EARS2: variants seen among roughly 807,000 people sequenced by gnomAD.
The protein encoded by EARS2 is nondiscriminating glutamyl-tRNA synthetase EARS2, mitochondrial.
In EARS2, 50 loss-of-function variants were observed where a neutral mutation model predicts 54.1. That is an observed-to-expected ratio of 0.92 (90% CI 0.74 to 1.17). The LOEUF is 1.17. Among genes scored for constraint, EARS2 ranks in the 50% most tolerant of loss-of-function variants. The pLI is 0.00. For missense variants in EARS2, 673 were observed against 675.0 expected (o/e 1.00, Z 0.03); for synonymous variants, 298 against 281.0 (o/e 1.06, Z -0.61).
intron 4 of EARS2, among the ~76,000 whole-genome samples, 183 bp downstream of exon 4, chr16:23,534,705 G>A (rs1281065365): frequency 6.6e-6 from 1 of 152,148 alleles, no homozygotes; most frequent in Admixed American, 6.5e-5. Flanking sequence ...CACTACTGTA[G>A]CCCCAGCACT....
At chr16:23,555,209 G>A (rs1965756349) in intron 1 of EARS2, among the ~76,000 whole-genome samples, 1 of 152,174 alleles carries the variant, frequency 6.6e-6, no homozygotes, top group Non-Finnish European at 1.5e-5. Context: ...ATCTAGGCCA[G>A]GTGTGATGGC....
intron 2 of EARS2, chr16:23,550,900 C>T (rs1597026526): frequency 6.6e-6 from 1 of 152,094 alleles, no homozygotes; most frequent in Admixed American, 6.5e-5. Context: ...TTCCTAGTCA[C>T]ACCCGTCCAT....
intron 3 of EARS2, among the ~76,000 whole-genome samples, chr16:23,543,730 CAA>C (rs565590236): frequency 1.9e-4 from 11 of 58,810 alleles, no homozygotes; most frequent in Admixed American, 3.6e-4. Context: ...GAGACTGTCT[CAA>C]AAAAAAAAAA....
chr16:23,553,323 C>G (rs1373561992), intron 1 of EARS2, among the ~76,000 whole-genome samples: 1 of 152,136 alleles, frequency 6.6e-6, no homozygotes, highest in African/African-American at 2.4e-5. Context: ...ATATTTGTCT[C>G]AAGGCCAAGT....
Position 23,523,764 on chromosome 16 carries a change from T to C in EARS2, c.*607A>G, listed in dbSNP as rs1262682387. The C allele has an allele frequency of 6.6e-6, 1 of 152,360 alleles. No individual in the cohort carries two copies. The highest frequency in any genetic ancestry group is 6.5e-5 in the Admixed American group (1 of 15,280). The allele number at this position is 152,360 out of a possible 1,614,324, so 9.4% of individuals were successfully genotyped here. A position where few individuals can be genotyped will look rare whatever the true frequency, so the allele number is the denominator to read the frequency against. ...CATTTAAAGAGGTGATTAACTTAAA[T>C]GAGGCTGGTTAAAGTTAAAATCCAG... is the stretch of plus-strand genomic sequence containing the variant. On this transcript the variant is annotated 3_prime_UTR_variant, in exon 9 of 9. Coordinates refer to ENST00000449606, the MANE Select transcript of EARS2 (RefSeq NM_001083614.2).
At chr16:23,544,734 T>G in intron 2 of EARS2, 31 bp from the exon 3 acceptor site, 1 of 1,559,416 alleles carries the variant, frequency 6.4e-7, no homozygotes, top group Non-Finnish European at 8.7e-7. Context: ...ACAGCTAAGG[T>G]GCACACAGCG....
intron 3 of EARS2, among the ~76,000 whole-genome samples, chr16:23,537,968 AT>A (rs1555503618): frequency 6.7e-6 from 1 of 149,992 alleles, no homozygotes; most frequent in African/African-American, 2.5e-5. Flanking sequence ...TAATTTTTGT[AT>A]TTTTTTTAGT....
rs2072061 is a variant in EARS2 at position 23,529,902 on chromosome 16, G to A, written c.1068-5C>T. ...ACCAGCCGCTGGAGGTGCAGTCTGC[G>A]GAAGAAATCAAGGGGCTGCCCTGCT... On this transcript the variant is annotated splice_polypyrimidine_tract_variant and splice_region_variant and intron_variant, in intron 5 of 8. Transcript: ENST00000449606. 1,264,920 of 1,613,532 alleles carry A rather than the reference G, an allele frequency of 0.78. 499,171 individuals are homozygous for A. The highest frequency in any genetic ancestry group is 0.81 in the Non-Finnish European group (957,319 of 1,179,902).
At chr16:23,546,400 TG>T (rs1306616782) in intron 2 of EARS2, 3 of 456,052 alleles carry the variant, frequency 6.6e-6, no homozygotes, top group South Asian at 3.1e-5. Flanking sequence ...TCAGAGATCT[TG>T]GGCAAGTCAT....
At chr16:23,535,909 T>G (rs1443029666) in intron 3 of EARS2, among the ~76,000 whole-genome samples, 1 of 152,184 alleles carries the variant, frequency 6.6e-6, no homozygotes, top group African/African-American at 2.4e-5. Context: ...TACTTGCAAC[T>G]GCAGGAGGGA....
At chr16:23,542,275 G>A (rs1435362501) in intron 3 of EARS2, among the ~76,000 whole-genome samples, 2 of 149,692 alleles carry the variant, frequency 1.3e-5, no homozygotes, top group Non-Finnish European at 1.5e-5. Flanking sequence ...AATTACAGAC[G>A]TGAGCCACCA....
At chr16:23,556,432 G>A (rs377099374) in intron 1 of EARS2, among the ~76,000 whole-genome samples, 7 of 152,268 alleles carry the variant, frequency 4.6e-5, no homozygotes, top group African/African-American at 1.4e-4. Context: ...TTGGCTCACC[G>A]CAATCTCCAC....
rs951044750 is a variant in EARS2 at position 23,521,020 on chromosome 16, G to A, written c.*3351C>T. The stretch of plus-strand genomic sequence containing the variant: ...TTGGCCAGGCTGGTCTTGAACTCCC[G>A]GCCTCAAGTGATCTGCCTGCCTTGG... On this transcript the variant is annotated 3_prime_UTR_variant, in exon 9 of 9. Coordinates refer to ENST00000449606, the MANE Select transcript of EARS2 (RefSeq NM_001083614.2). 3.3e-5 allele frequency among the ~76,000 whole-genome samples: 5 copies of A among 151,968 alleles called. No homozygotes were observed. The highest frequency in any genetic ancestry group is 2.1e-4 in the South Asian group (1 of 4,806).
At chr16:23,553,295 A>T (rs1306543675) in intron 1 of EARS2, among the ~76,000 whole-genome samples, 1 of 152,172 alleles carries the variant, frequency 6.6e-6, no homozygotes, top group Non-Finnish European at 1.5e-5. Flanking sequence ...CCCCAACTGC[A>T]TCCACCACTC....
At chr16:23,532,323 T>C (rs984425767) in intron 5 of EARS2, among the ~76,000 whole-genome samples, 1 of 152,138 alleles carries the variant, frequency 6.6e-6, no homozygotes, top group Non-Finnish European at 1.5e-5. Context: ...CAGGCTTTGG[T>C]TGTTAACAGA....
intron 3 of EARS2, among the ~76,000 whole-genome samples, chr16:23,541,373 T>A (rs1170717546): frequency 6.6e-6 from 1 of 151,994 alleles, no homozygotes; most frequent in African/African-American, 2.4e-5. Flanking sequence ...AAAACAAAAA[T>A]AAATGTTTGT....
chr16:23,553,370 G>A (rs1191530065), intron 1 of EARS2, among the ~76,000 whole-genome samples: 1 of 152,090 alleles, frequency 6.6e-6, no homozygotes, highest in Non-Finnish European at 1.5e-5. Flanking sequence ...ATTCATTGAG[G>A]CCATATCATG....
chr16:23,529,819 C>G lies in EARS2; in HGVS notation c.1146G>C (p.Glu382Asp), dbSNP rs1055035799. ...TGTTTTGCAGCTGGCAACCAAAGGCCTCCTCCACAAGGACCTGCAGCTTCC... is the reference window on the plus strand; with the variant it reads ...TGTTTTGCAGCTGGCAACCAAAGGCGTCCTCCACAAGGACCTGCAGCTTCC... ...LVGKLQVLVE[E>D]AFGCQLQNRD... is the part of the protein sequence containing the mutation. Residue 382 changes from glutamate to aspartate, a missense_variant, in exon 6 of 9, where the codon GAG becomes GAC. Coordinates refer to ENST00000449606, the MANE Select transcript of EARS2 (RefSeq NM_001083614.2). 8 of 1,614,132 alleles carry G rather than the reference C, an allele frequency of 5.0e-6. No homozygotes were observed. The highest frequency in any genetic ancestry group is 2.2e-5 in the East Asian group (1 of 44,872).
At chr16:23,547,506 G>A (rs1249816948) in intron 2 of EARS2, among the ~76,000 whole-genome samples, 1 of 152,072 alleles carries the variant, frequency 6.6e-6, no homozygotes, top group East Asian at 1.9e-4. Flanking sequence ...TGAATTATAT[G>A]TCATTTTTTT....
Sources: allele counts gnomAD v4.1 joint callset (sites outside exome capture counted in the v4.1 genomes callset), GRCh38; gene constraint gnomAD v4.1.1; transcripts MANE v1.5; gene names NCBI Gene and HGNC (gene_info 2026-07-23, HGNC 2026-07-21).